Variants in BCKDHB observed in about 807,000 individuals in gnomAD.
The protein encoded by BCKDHB is 2-oxoisovalerate dehydrogenase subunit beta, mitochondrial.
In BCKDHB, 41 loss-of-function variants were observed where a neutral mutation model predicts 48.5. The ratio of observed to expected loss-of-function variants is 0.85; its 90% CI spans 0.66 to 1.10. BCKDHB has a LOEUF of 1.10. Ranked by LOEUF, BCKDHB falls within the 50% of genes least tolerant of loss-of-function variation. The probability of loss-of-function intolerance (pLI) is 0.00; values close to 1 mark genes in which losing one functional copy is unlikely to be tolerated. For synonymous variants in BCKDHB, 201 were observed against 174.8 expected, an observed-to-expected ratio of 1.15 and a Z score of -1.18; for missense variants, 496 against 494.2, an observed-to-expected ratio of 1.00 and a Z score of -0.03.
At chr6:80,221,046 T>C (rs945088280) in intron 8 of BCKDHB, among the ~76,000 whole-genome samples, 1 of 152,120 alleles carries the variant, frequency 6.6e-6, no homozygotes, top group African/African-American at 2.4e-5. Context: ...TGCCTGATTA[T>C]CTCTGGCATC....
At chr6:80,207,876 ACAGAACT>A (rs1480493760) in intron 8 of BCKDHB, among the ~76,000 whole-genome samples, 12 of 151,950 alleles carry the variant, frequency 7.9e-5, no homozygotes, top group Admixed American at 7.2e-4. Flanking sequence ...CAAAGAAAAC[ACAGAACT>A]CAGAAGAGGT....
chr6:80,409,235 T>A, the BCKDHB span, among the ~76,000 whole-genome samples: 1 of 152,114 alleles, frequency 6.6e-6, no homozygotes, highest in Non-Finnish European at 1.5e-5. Context: ...TGCACTGTGG[T>A]CTGAGAGACA....
At chr6:80,242,870 G>A (rs1359691472) in intron 8 of BCKDHB, among the ~76,000 whole-genome samples, 1 of 152,106 alleles carries the variant, frequency 6.6e-6, no homozygotes, top group Non-Finnish European at 1.5e-5. Context: ...TAAAAATTGG[G>A]TAGGTTTCCA....
chr6:80,320,035 G>A (rs1474767480), intron 9 of BCKDHB, among the ~76,000 whole-genome samples: 5 of 152,006 alleles, frequency 3.3e-5, no homozygotes, highest in Non-Finnish European at 7.4e-5. Flanking sequence ...TAAGCAAAAG[G>A]AAATCTGAGT....
At chr6:80,197,894 C>CAAA (rs1774201243) in intron 6 of BCKDHB, among the ~76,000 whole-genome samples, 1 of 152,012 alleles carries the variant, frequency 6.6e-6, no homozygotes. Context: ...GCCTCTCTGT[C>CAAA]TATTTGTCCA....
At chr6:80,299,192 A>G (rs1767421337) in intron 9 of BCKDHB, among the ~76,000 whole-genome samples, 1 of 152,122 alleles carries the variant, frequency 6.6e-6, no homozygotes, top group African/African-American at 2.4e-5. Context: ...ACTCTGTCTT[A>G]GGAGAGACTC....
chr6:80,389,423 G>A, the BCKDHB span, among the ~76,000 whole-genome samples: 38 of 152,226 alleles, frequency 2.5e-4, no homozygotes, highest in Non-Finnish European at 4.6e-4. Context: ...GTGGCAAGTT[G>A]ATTGTTTTGG....
intron 6 of BCKDHB, among the ~76,000 whole-genome samples, chr6:80,174,698 C>A (rs931236952): frequency 1.3e-5 from 2 of 152,120 alleles, no homozygotes; most frequent in Non-Finnish European, 2.9e-5. Flanking sequence ...CTAAAGTTAT[C>A]TTCCAGGTCC....
At chr6:80,352,709 T>A in the BCKDHB span, among the ~76,000 whole-genome samples, 1 of 152,212 alleles carries the variant, frequency 6.6e-6, no homozygotes, top group African/African-American at 2.4e-5. Flanking sequence ...CTCAATTTTT[T>A]AAAATATGTG....
At chr6:80,371,249 A>G in the BCKDHB span, among the ~76,000 whole-genome samples, 1 of 152,114 alleles carries the variant, frequency 6.6e-6, no homozygotes, top group Non-Finnish European at 1.5e-5. Flanking sequence ...AGTGAGGTTG[A>G]GCATTTTTTC....
At chr6:80,446,533 G>A in the BCKDHB span, among the ~76,000 whole-genome samples, 13 of 152,124 alleles carry the variant, frequency 8.5e-5, no homozygotes, top group East Asian at 1.9e-4. Flanking sequence ...GCACGAACTC[G>A]GTAATGAGGG....
intron 8 of BCKDHB, among the ~76,000 whole-genome samples, chr6:80,243,119 A>G (rs376070916): frequency 6.6e-6 from 1 of 152,206 alleles, no homozygotes; most frequent in Admixed American, 6.5e-5. Context: ...GAAAGACTGG[A>G]CAATAGGATA....
At chr6:80,426,691 A>G in the BCKDHB span, among the ~76,000 whole-genome samples, 2 of 152,124 alleles carry the variant, frequency 1.3e-5, no homozygotes, top group Non-Finnish European at 2.9e-5. Context: ...AACACACTTT[A>G]TACAAATTTA....
chr6:80,165,840 T>G (rs1772542461), intron 3 of BCKDHB, among the ~76,000 whole-genome samples: 1 of 152,228 alleles, frequency 6.6e-6, no homozygotes, highest in East Asian at 1.9e-4. Context: ...GCTGGGCTTT[T>G]GGAGTGTCCT....
At chr6:80,392,820 G>A in the BCKDHB span, among the ~76,000 whole-genome samples, 1 of 149,664 alleles carries the variant, frequency 6.7e-6, no homozygotes, top group Non-Finnish European at 1.5e-5. Flanking sequence ...AGCTTAACCT[G>A]GGTCATTCTA....
At chr6:80,294,257 C>T (rs1327017280) in intron 9 of BCKDHB, among the ~76,000 whole-genome samples, 2 of 152,136 alleles carry the variant, frequency 1.3e-5, no homozygotes, top group Non-Finnish European at 2.9e-5. Context: ...TTTCTTATGC[C>T]TATCTTTACT....
intron 9 of BCKDHB, among the ~76,000 whole-genome samples, chr6:80,315,939 CGCAATTTAGAGTATTAACTG>C (rs1229332202): frequency 6.6e-6 from 1 of 152,064 alleles, no homozygotes; most frequent in Non-Finnish European, 1.5e-5. Context: ...CTGTTTACAC[CGCAATTTAGAGTATTAACTG>C]GCCTGTAAAA....
chr6:80,319,863 A>G (rs1210222313), intron 9 of BCKDHB, among the ~76,000 whole-genome samples: 1 of 152,184 alleles, frequency 6.6e-6, no homozygotes, highest in Non-Finnish European at 1.5e-5. Flanking sequence ...TTAATAGACA[A>G]AACATAAGAT....
At chr6:80,406,588 G>A in the BCKDHB span, among the ~76,000 whole-genome samples, 1 of 152,158 alleles carries the variant, frequency 6.6e-6, no homozygotes, top group Admixed American at 6.5e-5. Flanking sequence ...GTTTTGATTT[G>A]CATTTCTCTG....
Sources: gnomAD v4.1 joint callset for allele counts (sites outside exome capture counted in the v4.1 genomes callset) on GRCh38, gnomAD v4.1.1 for gene constraint, MANE v1.5 for transcripts, NCBI Gene and HGNC (gene_info 2026-07-23, HGNC 2026-07-21) for gene names.